The following ZC2HC1A variants were observed in gnomAD, a reference collection of about 807,000 sequenced individuals.
ZC2HC1A encodes the protein zinc finger C2HC domain-containing protein 1A.
ZC2HC1A carries 28 observed loss-of-function variants against 40.7 expected under a neutral mutation model. That is an observed-to-expected ratio of 0.69 (90% CI 0.51 to 0.94). The LOEUF (loss-of-function observed/expected upper bound fraction) is 0.94. Among genes scored for constraint, ZC2HC1A ranks in the 40% least tolerant of loss-of-function variants. ZC2HC1A has a pLI of 0.00. For missense variants in ZC2HC1A, 389 were observed against 386.3 expected (o/e 1.01, Z -0.06); for synonymous variants, 129 against 129.2 (o/e 1.00, Z 0.01).
At chr8:78,715,454 G>A (rs1463094936) in intron 8 of ZC2HC1A, 126 bp downstream of exon 8, 2 of 842,648 alleles carry the variant, frequency 2.4e-6, no homozygotes, top group Non-Finnish European at 3.5e-6. Flanking sequence ...TTTTAATCTG[G>A]CTTTTAAGTT....
chr8:78,702,525 G>A (rs2130566878), intron 7 of ZC2HC1A, among the ~76,000 whole-genome samples: 1 of 152,098 alleles, frequency 6.6e-6, no homozygotes, highest in East Asian at 1.9e-4. Context: ...GTTTGTTCTT[G>A]TTTTTCTAGT....
chr8:78,673,013 G>T (rs10093113), intron 1 of ZC2HC1A, among the ~76,000 whole-genome samples: 98,487 of 151,836 alleles, frequency 0.65, 33,777 homozygotes, highest in East Asian at 0.9. Context: ...CTGTCATCTA[G>T]GTTTTAAGCC....
rs2130627962 is a variant in ZC2HC1A, at chr8:78,719,484, T to C, written c.*1991T>C. On this transcript the variant is annotated 3_prime_UTR_variant, in exon 9 of 9. Transcript: ENST00000263849. ...ATGCATTTTTATATTACTTGCATAT[T>C]CTCACATTGATTTGTGCAATAGTTC... is the stretch of plus-strand genomic sequence containing the variant. 1 of 151,928 alleles carries C rather than the reference T, an allele frequency of 6.6e-6. No homozygotes were observed. The highest frequency in any genetic ancestry group is 6.6e-5 in the Admixed American group (1 of 15,262). The allele number at this position is 151,928 out of a possible 1,614,324, so 9.4% of individuals were successfully genotyped here.
intron 5 of ZC2HC1A, among the ~76,000 whole-genome samples, chr8:78,690,173 AG>A (rs201526831): frequency 0.051 from 7,780 of 152,292 alleles, 277 homozygotes; most frequent in Middle Eastern, 0.082. Context: ...CCTGTCCTTT[AG>A]TCAATACCGC....
At chr8:78,688,916 A>G (rs186636114) in intron 4 of ZC2HC1A, among the ~76,000 whole-genome samples, 14 of 152,236 alleles carry the variant, frequency 9.2e-5, no homozygotes, top group Admixed American at 2.6e-4. Context: ...TAAAGGCAAA[A>G]AAGAAATAAC....
chr8:78,710,493 A>T (rs559338891), intron 7 of ZC2HC1A, among the ~76,000 whole-genome samples: 148 of 152,150 alleles, frequency 9.7e-4, no homozygotes, highest in Non-Finnish European at 1.1e-3. Context: ...ACTTTGTTGT[A>T]TCACATGTAG....
At chr8:78,694,049 G>A (rs947372399) in intron 5 of ZC2HC1A, among the ~76,000 whole-genome samples, 3 of 152,260 alleles carry the variant, frequency 2.0e-5, no homozygotes, top group Non-Finnish European at 4.4e-5. Context: ...TTGTAGATGT[G>A]TGACATTATT....
chr8:78,682,684 C>T (rs938952892), intron 3 of ZC2HC1A, among the ~76,000 whole-genome samples: 2 of 152,158 alleles, frequency 1.3e-5, no homozygotes, highest in Non-Finnish European at 2.9e-5. Context: ...TCCCAAATTT[C>T]ATGCCCTCAC....
chr8:78,692,790 G>C (rs1394609762), intron 5 of ZC2HC1A, among the ~76,000 whole-genome samples: 1 of 152,072 alleles, frequency 6.6e-6, no homozygotes, highest in South Asian at 2.1e-4. Flanking sequence ...GTGCAGGTTT[G>C]TTACATACGT....
chr8:78,709,863 G>A (rs1810900534), intron 7 of ZC2HC1A, among the ~76,000 whole-genome samples: 1 of 152,152 alleles, frequency 6.6e-6, no homozygotes, highest in African/African-American at 2.4e-5. Flanking sequence ...CAACAGAGGT[G>A]TGCAAAGATA....
chr8:78,697,375 T>G, intron 5 of ZC2HC1A, 32 bp from the exon 6 acceptor site: 2 of 1,501,410 alleles, frequency 1.3e-6, no homozygotes, highest in Non-Finnish European at 1.8e-6. Flanking sequence ...CAAAAAGTGA[T>G]GTTGATTAAT....
rs1264804675 is a variant in ZC2HC1A at position 78,718,079 on chromosome 8, T to C, written c.*586T>C. 6.6e-6 allele frequency: 1 copy of C among 152,086 alleles called. No homozygotes were observed. The highest frequency in any genetic ancestry group is 1.5e-5 in the Non-Finnish European group (1 of 67,934). 9.4% of individuals were successfully genotyped at this position (152,086 alleles called of 1,614,324 possible). On this transcript the variant is annotated 3_prime_UTR_variant, in exon 9 of 9. Coordinates refer to ENST00000263849, the MANE Select transcript of ZC2HC1A (RefSeq NM_016010.3). ...AAAAACCCCTCTATTAGTTACGTAA[T>C]TTAAACATCTTACTTGTTTTGTAAA...
intron 1 of ZC2HC1A, among the ~76,000 whole-genome samples, chr8:78,670,691 T>C (rs1809417221): frequency 6.6e-6 from 1 of 152,076 alleles, no homozygotes. Flanking sequence ...AGATAGTAAC[T>C]TAGAGAAAGG....
At chr8:78,693,166 A>C (rs557314846) in intron 5 of ZC2HC1A, among the ~76,000 whole-genome samples, 5 of 152,088 alleles carry the variant, frequency 3.3e-5, no homozygotes, top group African/African-American at 1.2e-4. Flanking sequence ...AGTCTTTGCT[A>C]TTGTGAATAG....
At chr8:78,666,205 G>A (rs1439038807) in intron 1 of ZC2HC1A, 41 bp downstream of exon 1, 2 of 1,564,360 alleles carry the variant, frequency 1.3e-6, no homozygotes, top group African/African-American at 1.3e-5. Flanking sequence ...GCTAGAGCGG[G>A]CCCGAAACAG....
chr8:78,689,503 T>TATCTATAAA (rs1810139858), intron 5 of ZC2HC1A, 130 bp downstream of exon 5: 39 of 810,472 alleles, frequency 4.8e-5, no homozygotes, highest in Non-Finnish European at 6.4e-5. Flanking sequence ...TAGTTTTATA[T>TATCTATAAA]ATCTATAAAA....
intron 6 of ZC2HC1A, among the ~76,000 whole-genome samples, chr8:78,698,148 A>G (rs1054702717): frequency 1.3e-5 from 2 of 152,176 alleles, no homozygotes; most frequent in Non-Finnish European, 2.9e-5. Context: ...TGTTCGTAGT[A>G]GTCAAACACT....
At chr8:78,708,264 T>C (rs941826530) in intron 7 of ZC2HC1A, among the ~76,000 whole-genome samples, 1 of 152,216 alleles carries the variant, frequency 6.6e-6, no homozygotes, top group Non-Finnish European at 1.5e-5. Context: ...GTGTATGTAA[T>C]CTTTATTGTA....
rs1308783719 is a variant in ZC2HC1A at position 78,718,454 on chromosome 8, T to C, written c.*961T>C. The C allele has an allele frequency of 6.6e-6, 1 of 151,968 alleles. No individual in the cohort carries two copies. Among genetic ancestry groups the C allele is most frequent in the African/African-American group, 2.4e-5 (1 of 41,464 alleles). 9.4% of individuals were successfully genotyped at this position (151,968 alleles called of 1,614,324 possible). ...TCACGTCACCTAATCATAATAGTTGTGGTAACTAATCATTAGTGCAGAGCA... is the reference window on the plus strand; with the variant it reads ...TCACGTCACCTAATCATAATAGTTGCGGTAACTAATCATTAGTGCAGAGCA... On this transcript the variant is annotated 3_prime_UTR_variant, in exon 9 of 9. Coordinates refer to ENST00000263849, the MANE Select transcript of ZC2HC1A (RefSeq NM_016010.3).
Sources: gnomAD v4.1 joint callset for allele counts (sites outside exome capture counted in the v4.1 genomes callset) on GRCh38, gnomAD v4.1.1 for gene constraint, MANE v1.5 for transcripts, NCBI Gene and HGNC (gene_info 2026-07-23, HGNC 2026-07-21) for gene names.